The following ZMYND11 variants were observed in gnomAD, a reference collection of about 807,000 sequenced individuals.
The protein encoded by ZMYND11 is zinc finger MYND-type containing 11.
In ZMYND11, 9 loss-of-function variants were observed where a neutral mutation model predicts 84.9. The observed-to-expected ratio is 0.11, with a 90% CI of 0.06 to 0.18. The LOEUF is 0.18. Ranked by LOEUF, ZMYND11 falls within the 10% of genes least tolerant of loss-of-function variation. The pLI, the probability that ZMYND11 is intolerant of heterozygous loss-of-function variation, is 1.00. For missense variants in ZMYND11, 409 were observed against 761.0 expected, an observed-to-expected ratio of 0.54 and a Z score of 5.44; for synonymous variants, 250 against 244.1, an observed-to-expected ratio of 1.02 and a Z score of -0.23.
intron 4 of ZMYND11, among the ~76,000 whole-genome samples, chr10:224,738 T>A (rs1947790299): frequency 6.6e-6 from 1 of 152,082 alleles, no homozygotes; most frequent in Non-Finnish European, 1.5e-5. Context: ...CAGAATGACC[T>A]TTTTTTGGCA....
chr10:199,523 G>A (rs2131063331), intron 2 of ZMYND11, among the ~76,000 whole-genome samples: 1 of 152,104 alleles, frequency 6.6e-6, no homozygotes, highest in East Asian at 1.9e-4. Flanking sequence ...TTGACTTTCT[G>A]GGCTTAAGCG....
chr10:165,004 A>G (rs1843666551), intron 1 of ZMYND11, among the ~76,000 whole-genome samples: 1 of 152,120 alleles, frequency 6.6e-6, no homozygotes, highest in African/African-American at 2.4e-5. Context: ...AAATAATCCT[A>G]GACCTTCATG....
At position 221,752 on chromosome 10, in the gene ZMYND11, G is replaced by A. The variant is rs536341555; in HGVS notation, c.438+396G>A. Among the ~76,000 whole-genome samples the A allele has an allele frequency of 2.7e-4, 41 of 151,838 alleles. 1 individual carries two copies. The South Asian group carries it at 8.5e-3, about 32-fold the overall frequency. ...AAAGGCACATTGTTGGGGGCATTCT[G>A]TATCTATTTCCCATTTTATATCCAT... is the stretch of plus-strand genomic sequence containing the variant. On this transcript the variant is annotated intron_variant, in intron 4 of 14. Transcript: ENST00000381604.
At chr10:130,989 C>A (rs2130987448), upstream of ZMYND11, among the ~76,000 whole-genome samples, 1 of 152,252 alleles carries the variant, frequency 6.6e-6, no homozygotes, top group South Asian at 2.1e-4. Context: ...CGGTGGCATG[C>A]ACCTGTGGTC....
intron 2 of ZMYND11, among the ~76,000 whole-genome samples, chr10:197,560 C>T (rs1942112200): frequency 6.6e-6 from 1 of 152,116 alleles, no homozygotes; most frequent in African/African-American, 2.4e-5. Context: ...TTTGCCTTTC[C>T]GTTTTCTAGT....
chr10:173,155 A>G (rs542357662), intron 1 of ZMYND11, among the ~76,000 whole-genome samples: 2 of 152,334 alleles, frequency 1.3e-5, no homozygotes, highest in Non-Finnish European at 2.9e-5. Flanking sequence ...AGGCAATAGC[A>G]TAGGAGGAAA....
At chr10:187,900 T>C (rs1939175564) in intron 2 of ZMYND11, among the ~76,000 whole-genome samples, 1 of 152,160 alleles carries the variant, frequency 6.6e-6, no homozygotes, top group African/African-American at 2.4e-5. Context: ...ACATTTTACA[T>C]TTTTAGAAAC....
At chr10:234,200 C>T (rs961838081) in intron 4 of ZMYND11, among the ~76,000 whole-genome samples, 8 of 152,302 alleles carry the variant, frequency 5.3e-5, no homozygotes, top group African/African-American at 1.9e-4. Context: ...AAACAAGAGA[C>T]GTGAAAGCGC....
chr10:144,688 CAG>C (rs1293000384), intron 1 of ZMYND11, among the ~76,000 whole-genome samples: 13 of 126,130 alleles, frequency 1.0e-4, no homozygotes, highest in African/African-American at 1.8e-4. Flanking sequence ...ATCAGAATCT[CAG>C]GGGTTGAGTC....
intron 4 of ZMYND11, among the ~76,000 whole-genome samples, chr10:234,419 C>T (rs1197903014): frequency 6.6e-6 from 1 of 152,200 alleles, no homozygotes; most frequent in Non-Finnish European, 1.5e-5. Flanking sequence ...TGATGGAAGG[C>T]TGTGCATGAT....
At position 150,098 on chromosome 10, in the gene ZMYND11, C is replaced by T. The variant is rs553689995; in HGVS notation, c.-20+14539C>T. Among the ~76,000 whole-genome samples the T allele has an allele frequency of 3.5e-3, 532 of 152,220 alleles. 3 individuals carry two copies. Among genetic ancestry groups the T allele is most frequent in the African/African-American group, 0.012 (509 of 41,526 alleles). On this transcript the variant is annotated intron_variant, in intron 1 of 14. Transcript: ENST00000381604. Reference sequence around the variant, plus strand: ...CTTTTTTTGTTGTGTCTCTGCCAGGCGTTGGTATCAGGATGATGCTGGCCT... The same window carrying T: ...CTTTTTTTGTTGTGTCTCTGCCAGGTGTTGGTATCAGGATGATGCTGGCCT...
At position 221,371 on chromosome 10, in the gene ZMYND11, G is replaced by A. The variant is rs2131419990; in HGVS notation, c.438+15G>A. 6.2e-7 allele frequency: 1 copy of A among 1,610,614 alleles called. No homozygotes were observed. The highest frequency in any genetic ancestry group is 1.3e-5 in the African/African-American group (1 of 74,890). Reference sequence around the variant, plus strand: ...CAGTTTGCAGGGTGAGTACCTATGAGCTTTCCTGTGCTGGTTAGAGGGTTG... The same window carrying A: ...CAGTTTGCAGGGTGAGTACCTATGAACTTTCCTGTGCTGGTTAGAGGGTTG... On this transcript the variant is annotated intron_variant, in intron 4 of 14. Transcript: ENST00000381604.
At chr10:204,196 G>A (rs112083725) in intron 2 of ZMYND11, among the ~76,000 whole-genome samples, 1 of 152,096 alleles carries the variant, frequency 6.6e-6, no homozygotes, top group Non-Finnish European at 1.5e-5. Context: ...TCCTAGGTTA[G>A]ATAACCAGTT....
chr10:169,844 A>G (rs1844870918), intron 1 of ZMYND11, among the ~76,000 whole-genome samples: 1 of 152,156 alleles, frequency 6.6e-6, no homozygotes, highest in Admixed American at 6.6e-5. Flanking sequence ...TGGGAATACC[A>G]GAAGGGAAGA....
Position 248,896 on chromosome 10 carries a change from A to G in ZMYND11, c.1501-7A>G, listed in dbSNP as rs2131976372. 1 of 1,602,144 alleles carries G rather than the reference A, an allele frequency of 6.2e-7. No individual in the cohort carries two copies. The highest frequency in any genetic ancestry group is 8.5e-7 in the Non-Finnish European group (1 of 1,173,768). ...CTGACGCACTGTGGGTTGTCTTTTCATTCCAGCTGCGTTCTGAAATGGAAG... is the reference window on the plus strand; with the variant it reads ...CTGACGCACTGTGGGTTGTCTTTTCGTTCCAGCTGCGTTCTGAAATGGAAG... On this transcript the variant is annotated splice_region_variant and splice_polypyrimidine_tract_variant and intron_variant, in intron 13 of 14. Coordinates refer to ENST00000381604, the MANE Select transcript of ZMYND11 (RefSeq NM_001370100.5).
chr10:227,683 T>C (rs535377621), intron 4 of ZMYND11, among the ~76,000 whole-genome samples: 95 of 152,332 alleles, frequency 6.2e-4, no homozygotes, highest in African/African-American at 2.2e-3. Flanking sequence ...CCATATAATG[T>C]TTAGAATGAA....
intron 2 of ZMYND11, among the ~76,000 whole-genome samples, chr10:200,205 G>GGTGTGTGTGTGTGTGT (rs71374347): frequency 0.2 from 26,660 of 132,230 alleles, 2,992 homozygotes; most frequent in Middle Eastern, 0.29. Flanking sequence ...GCCTGGCTAG[G>GGTGTGTGTGTGTGTGT]GTGTGTGTGT....
chr10:213,593 G>C (rs920526001), intron 3 of ZMYND11, among the ~76,000 whole-genome samples: 4 of 152,092 alleles, frequency 2.6e-5, no homozygotes, highest in Non-Finnish European at 5.9e-5. Flanking sequence ...TAAATGGGTG[G>C]TAAAGCTCTT....
chr10:160,262 G>C (rs781977926), intron 1 of ZMYND11, among the ~76,000 whole-genome samples: 15 of 152,196 alleles, frequency 9.9e-5, no homozygotes, highest in Non-Finnish European at 1.9e-4. Flanking sequence ...CTTTACCATA[G>C]TCTGTTAAGT....
Sources: gnomAD v4.1 joint callset for allele counts (sites outside exome capture counted in the v4.1 genomes callset) on GRCh38, gnomAD v4.1.1 for gene constraint, MANE v1.5 for transcripts, NCBI Gene and HGNC (gene_info 2026-07-23, HGNC 2026-07-21) for gene names.